Variants in CNOT1 observed in about 807,000 individuals in gnomAD.
CNOT1 encodes the protein CCR4-NOT transcription complex subunit 1, also known as CCR4-associated factor 1.
CNOT1 carries 15 observed loss-of-function variants against 273.8 expected under a neutral mutation model. The observed-to-expected ratio is 0.05, with a 90% CI of 0.04 to 0.08. CNOT1 has a LOEUF of 0.08. Ranked by LOEUF, CNOT1 falls within the 10% of genes least tolerant of loss-of-function variation. CNOT1 has a pLI of 1.00. For missense variants in CNOT1, 1,644 were observed against 2,912.2 expected (o/e 0.56, Z 10.02); for synonymous variants, 1,022 against 1,005.5 (o/e 1.02, Z -0.31).
chr16:58,557,077 G>A (rs1277881214), intron 18 of CNOT1, 84 bp from the exon 19 acceptor site: 13 of 1,475,736 alleles, frequency 8.8e-6, no homozygotes, highest in African/African-American at 1.4e-5. Flanking sequence ...TAATAAGACA[G>A]ACTTTTAAAA....
At chr16:58,522,508 C>CTATA (rs111540457) in intron 47 of CNOT1, among the ~76,000 whole-genome samples, 7 of 151,688 alleles carry the variant, frequency 4.6e-5, no homozygotes, top group Admixed American at 4.6e-4. Flanking sequence ...CCATAGGTGA[C>CTATA]TAATTAGGCA....
chr16:58,601,862 C>A (rs1488002814), intron 1 of CNOT1, among the ~76,000 whole-genome samples: 1 of 123,764 alleles, frequency 8.1e-6, no homozygotes, highest in Non-Finnish European at 1.7e-5. Context: ...TATGGCGAGA[C>A]CCTGTCTATT....
At chr16:58,628,307 A>C (rs1465898488) in intron 1 of CNOT1, among the ~76,000 whole-genome samples, 2 of 152,204 alleles carry the variant, frequency 1.3e-5, no homozygotes, top group Non-Finnish European at 2.9e-5. Flanking sequence ...AGTATCCTAA[A>C]ACATAATTAT....
In CNOT1 at chr16:58,551,832, G is replaced by C. The variant is rs1232260441; in HGVS notation, c.2971-13C>G. 1 of 1,612,474 alleles carries C rather than the reference G, an allele frequency of 6.2e-7. No individual in the cohort carries two copies. The highest frequency in any genetic ancestry group is 8.5e-7 in the Non-Finnish European group (1 of 1,178,880). On this transcript the variant is annotated splice_polypyrimidine_tract_variant and intron_variant, in intron 22 of 48. Coordinates refer to ENST00000317147, the MANE Select transcript of CNOT1 (RefSeq NM_016284.5). ...CATACTCAATATACTAAAAGGGTAGGGAGAGGAAAAAGAGTTAACCTTAAT... is the reference window on the plus strand; with the variant it reads ...CATACTCAATATACTAAAAGGGTAGCGAGAGGAAAAAGAGTTAACCTTAAT...
chr16:58,537,844 T>C, intron 38 of CNOT1, 47 bp downstream of exon 38: 1 of 1,607,006 alleles, frequency 6.2e-7, no homozygotes, highest in Non-Finnish European at 8.5e-7. Context: ...CTAAAGATAT[T>C]AGAAGACTAC....
intron 19 of CNOT1, 47 bp downstream of exon 19, chr16:58,556,800 A>G (rs1377554532): frequency 6.3e-7 from 1 of 1,597,910 alleles, no homozygotes; most frequent in African/African-American, 1.3e-5. Context: ...ACAACTAAAC[A>G]TTTTTATCAG....
At position 58,583,137 on chromosome 16, in the gene CNOT1, C is replaced by G. The variant is rs1336573980; in HGVS notation, c.852G>C (p.Glu284Asp). 6.2e-7 allele frequency: 1 copy of G among 1,613,824 alleles called. No individual in the cohort carries two copies. Among genetic ancestry groups the G allele is most frequent in the Non-Finnish European group, 8.5e-7 (1 of 1,180,026 alleles). ...CCCTTGCAACCTGGGCAGCTGTGAC[C>G]TCCCGAACACCAAACTGCACGATTA... Reference protein sequence around the residue: ...RNIIVQFGVREVTAAQVARVL... With the variant: ...RNIIVQFGVRDVTAAQVARVL... Residue 284 changes from glutamate (E) to aspartate (D), a missense_variant, in exon 9 of 49, where the codon GAG becomes GAC. This residue lies in a region of CNOT1 where 706 missense variants were observed against 1,021.2 expected (regional missense o/e 0.69). Coordinates refer to ENST00000317147, the MANE Select transcript of CNOT1 (RefSeq NM_016284.5).
intron 24 of CNOT1, 35 bp from the exon 25 acceptor site, chr16:58,549,933 T>A: frequency 6.2e-7 from 1 of 1,608,946 alleles, no homozygotes; most frequent in Non-Finnish European, 8.5e-7. Flanking sequence ...AGCACAGAAT[T>A]ACACTATGAT....
At chr16:58,535,721 C>G (rs1479280879) in intron 39 of CNOT1, among the ~76,000 whole-genome samples, 1 of 151,760 alleles carries the variant, frequency 6.6e-6, no homozygotes, top group Non-Finnish European at 1.5e-5. Flanking sequence ...GAAAAGTAAA[C>G]CTAATTTCTT....
intron 3 of CNOT1, 96 bp from the exon 4 acceptor site, chr16:58,587,974 T>C: frequency 8.8e-7 from 1 of 1,138,094 alleles, no homozygotes; most frequent in Non-Finnish European, 1.2e-6. Context: ...GATCTAACAC[T>C]ATATACTGTT....
chr16:58,563,162 T>G (rs568360334), intron 16 of CNOT1, among the ~76,000 whole-genome samples: 35 of 152,330 alleles, frequency 2.3e-4, no homozygotes, highest in African/African-American at 8.4e-4. Flanking sequence ...TAATGACATT[T>G]CAGTCAACAA....
At chr16:58,560,075 T>C in intron 17 of CNOT1, 137 bp downstream of exon 17, 2 of 1,516,012 alleles carry the variant, frequency 1.3e-6, no homozygotes, top group Admixed American at 2.2e-5. Flanking sequence ...TTTACATATC[T>C]CCTTTAAAAT....
Position 58,609,324 on chromosome 16 carries a change from C to T in CNOT1, c.-174-9813G>A, listed in dbSNP as rs1597590544. ...GAGGCGGAGGTTGCAGTGAGCCAAG[C>T]TCTTGCCATTGCACTCCAGCCTAGG... On this transcript the variant is annotated intron_variant, in intron 1 of 48. Coordinates refer to ENST00000317147, the MANE Select transcript of CNOT1 (RefSeq NM_016284.5). Among the ~76,000 whole-genome samples, 6 of 151,828 alleles carry T rather than the reference C, an allele frequency of 4.0e-5. 2 individuals carry two copies. The highest frequency in any genetic ancestry group is 3.9e-4 in the Admixed American group (6 of 15,214).
At chr16:58,546,585 C>A (rs913492944) in intron 28 of CNOT1, 87 bp from the exon 29 acceptor site, 96 of 1,607,726 alleles carry the variant, frequency 6.0e-5, no homozygotes, top group Non-Finnish European at 7.8e-5. Flanking sequence ...TATTATAGTA[C>A]TTCCCCCGAA....
chr16:58,532,710 AACAATCT>A (rs568876783), intron 40 of CNOT1: 15 of 261,348 alleles, frequency 5.7e-5, no homozygotes, highest in Non-Finnish European at 8.1e-5. Flanking sequence ...AACACAATAT[AACAATCT>A]AATTTGTCTG....
chr16:58,590,285 T>G (rs2042008862), intron 2 of CNOT1, among the ~76,000 whole-genome samples: 2 of 152,176 alleles, frequency 1.3e-5, no homozygotes, highest in African/African-American at 4.8e-5. Context: ...AGTCTATGAG[T>G]TGAAGAATCT....
chr16:58,541,842 A>C lies in CNOT1; in HGVS notation c.4681-222T>G, dbSNP rs147172815. On this transcript the variant is annotated intron_variant, in intron 33 of 48. Coordinates refer to ENST00000317147, the MANE Select transcript of CNOT1 (RefSeq NM_016284.5). ...TCACCTCATTTATAAATTAACTGAG[A>C]GTTTCTCTTGGAAAATGCCTCACAT... Among the ~76,000 whole-genome samples the C allele has an allele frequency of 4.4e-4, 67 of 152,336 alleles. 1 individual carries two copies. The South Asian group carries it at 6.6e-3, about 15-fold the overall frequency.
intron 2 of CNOT1, among the ~76,000 whole-genome samples, chr16:58,594,325 G>T (rs564843732): frequency 6.6e-6 from 1 of 152,070 alleles, no homozygotes; most frequent in South Asian, 2.1e-4. Context: ...CATTAAATAC[G>T]CAAATGCACC....
rs1036633572 is a variant in CNOT1 at position 58,614,193 on chromosome 16, G to A, written c.-174-14682C>T. Reference sequence around the variant, plus strand: ...CTCTCTATGCAAAATCCCAACCTATGGAAGCCATTCACCTCACTCACTGTA... The same window carrying A: ...CTCTCTATGCAAAATCCCAACCTATAGAAGCCATTCACCTCACTCACTGTA... On this transcript the variant is annotated intron_variant, in intron 1 of 48. Transcript: ENST00000317147. Among the ~76,000 whole-genome samples, 2 of 123,302 alleles carry A rather than the reference G, an allele frequency of 1.6e-5. 1 individual carries two copies. The highest frequency in any genetic ancestry group is 5.5e-5 in the African/African-American group (2 of 36,532). The allele number at this position is 123,302 out of a possible 152,430, so 80.9% of individuals were successfully genotyped here.
Sources: allele counts gnomAD v4.1 joint callset (sites outside exome capture counted in the v4.1 genomes callset), GRCh38; gene constraint gnomAD v4.1.1; regional missense constraint gnomAD v4.1.1; transcripts MANE v1.5; gene names NCBI Gene and HGNC (gene_info 2026-07-23, HGNC 2026-07-21).